The following FAM168A variants were observed in gnomAD, a reference collection of about 807,000 sequenced individuals.
FAM168A encodes family with sequence similarity 168 member A.
FAM168A carries 3 observed loss-of-function variants against 28.5 expected under a neutral mutation model. The ratio of observed to expected loss-of-function variants is 0.11; its 90% CI spans 0.05 to 0.27. The LOEUF (loss-of-function observed/expected upper bound fraction) is 0.27, where lower values mean the gene tolerates loss of function less well. Ranked by LOEUF, FAM168A falls within the 10% of genes least tolerant of loss-of-function variation. FAM168A has a pLI of 1.00. For missense variants in FAM168A, 222 were observed against 311.5 expected (o/e 0.71, Z 2.16); for synonymous variants, 122 against 124.2 (o/e 0.98, Z 0.12).
rs58430278 is a variant in FAM168A at position 73,442,955 on chromosome 11, GATATATATATATATATATATATATAT to G, written c.71-12211_71-12186del. Among the ~76,000 whole-genome samples, 22 of 40,234 alleles carry G rather than the reference GATATATATATATATATATATATATAT, an allele frequency of 5.5e-4. 3 individuals are homozygous for G. The South Asian group carries it at 5.9e-3, about 11-fold the overall frequency. 26.4% of individuals were successfully genotyped at this position (40,234 alleles called of 152,430 possible). On this transcript the variant is annotated intron_variant, in intron 2 of 7. Coordinates refer to ENST00000356467, the MANE Select transcript of FAM168A (RefSeq NM_015159.3). Reference sequence around the variant, plus strand: ...GGAATTTTCCTTTATATATACAAAGGATATATATATATATATATATATATATATATATATATATATATGCCAAGCCT... The same window carrying G: ...GGAATTTTCCTTTATATATACAAAGGATATATATATATATATGCCAAGCCT...
At chr11:73,480,612 T>C (rs1185906966) in intron 1 of FAM168A, among the ~76,000 whole-genome samples, 1 of 152,198 alleles carries the variant, frequency 6.6e-6, no homozygotes, top group South Asian at 2.1e-4. Flanking sequence ...GTCATTTTTC[T>C]TGGTAGAAGG....
At chr11:73,589,495 GAAAAAAAA>G (rs780232062) in intron 1 of FAM168A, among the ~76,000 whole-genome samples, 1 of 64,972 alleles carries the variant, frequency 1.5e-5, no homozygotes. Flanking sequence ...CTGATAAGCT[GAAAAAAAA>G]AAAAAAAGAA....
At chr11:73,481,960 ATG>A (rs1032915583) in intron 1 of FAM168A, among the ~76,000 whole-genome samples, 18 of 152,270 alleles carry the variant, frequency 1.2e-4, no homozygotes, top group Middle Eastern at 6.8e-3. Flanking sequence ...ACCTAGAGCC[ATG>A]TGAGGACACA....
At chr11:73,428,845 A>G (rs907942834) in intron 3 of FAM168A, among the ~76,000 whole-genome samples, 2 of 152,194 alleles carry the variant, frequency 1.3e-5, no homozygotes, top group Non-Finnish European at 2.9e-5. Flanking sequence ...AAGCTTTCCA[A>G]AGGCAATGAC....
chr11:73,529,300 T>C (rs1241236324), intron 1 of FAM168A, among the ~76,000 whole-genome samples: 2 of 152,234 alleles, frequency 1.3e-5, no homozygotes, highest in Non-Finnish European at 2.9e-5. Flanking sequence ...CCTGGGCTCA[T>C]GTCCTAGCTT....
At chr11:73,526,868 C>CA (rs61073226) in intron 1 of FAM168A, among the ~76,000 whole-genome samples, 7,832 of 51,676 alleles carry the variant, frequency 0.15, 984 homozygotes, top group East Asian at 0.3. Context: ...GACTCCATCT[C>CA]AAAAAAAAAA....
At chr11:73,589,270 A>G (rs999717753) in intron 1 of FAM168A, among the ~76,000 whole-genome samples, 1 of 152,208 alleles carries the variant, frequency 6.6e-6, no homozygotes, top group Non-Finnish European at 1.5e-5. Flanking sequence ...AAATTAAAAA[A>G]TAATAAAGAA....
chr11:73,508,946 G>A (rs1855167508), intron 1 of FAM168A, among the ~76,000 whole-genome samples: 1 of 152,112 alleles, frequency 6.6e-6, no homozygotes, highest in African/African-American at 2.4e-5. Context: ...CTTTATAAAG[G>A]GCAGTTCCCC....
chr11:73,499,820 T>C (rs1319218473), intron 1 of FAM168A, among the ~76,000 whole-genome samples: 1 of 150,828 alleles, frequency 6.6e-6, no homozygotes, highest in Admixed American at 6.6e-5. Context: ...CAGACAAAAA[T>C]AGAGAAAAAA....
chr11:73,462,655 C>T (rs1867667548), intron 2 of FAM168A, among the ~76,000 whole-genome samples: 1 of 152,140 alleles, frequency 6.6e-6, no homozygotes, highest in African/African-American at 2.4e-5. Context: ...GCAAGTGGTT[C>T]ACCTGAGGTC....
At chr11:73,494,308 C>T (rs1854824936) in intron 1 of FAM168A, among the ~76,000 whole-genome samples, 1 of 152,162 alleles carries the variant, frequency 6.6e-6, no homozygotes, top group African/African-American at 2.4e-5. Context: ...GGACCTCAGG[C>T]CCCTAGAGTC....
chr11:73,432,471 C>A (rs747080045), intron 2 of FAM168A, among the ~76,000 whole-genome samples: 1 of 152,004 alleles, frequency 6.6e-6, no homozygotes, highest in Non-Finnish European at 1.5e-5. Context: ...TTATAGCCAT[C>A]CTATAGTAAG....
chr11:73,452,329 T>C (rs1867445827), intron 2 of FAM168A: 1 of 152,546 alleles, frequency 6.6e-6, no homozygotes, highest in South Asian at 2.1e-4. Context: ...CAAGTTATCC[T>C]GTCAACCCAA....
At chr11:73,568,643 T>A (rs935665895) in intron 1 of FAM168A, among the ~76,000 whole-genome samples, 6 of 152,148 alleles carry the variant, frequency 3.9e-5, no homozygotes, top group Admixed American at 1.3e-4. Context: ...ACACTTGTAA[T>A]CCCAGCACCT....
chr11:73,433,333 TTGTC>T (rs1021780016), intron 2 of FAM168A, among the ~76,000 whole-genome samples: 3 of 151,762 alleles, frequency 2.0e-5, no homozygotes, highest in African/African-American at 7.3e-5. Context: ...ATTCTGTGGA[TTGTC>T]TTTTTACTTT....
Position 73,468,441 on chromosome 11 carries a change from C to A in FAM168A, c.34G>T (p.Ala12Ser), listed in dbSNP as rs1867769223. 1 of 1,614,060 alleles carries A rather than the reference C, an allele frequency of 6.2e-7. No individual in the cohort carries two copies. The highest frequency in any genetic ancestry group is 8.5e-7 in the Non-Finnish European group (1 of 1,179,976). The change falls in exon 2 of 8, where the codon GCT (alanine) becomes TCT (serine). Residue 12 changes from alanine (A) to serine (S), a missense_variant. By Grantham distance (99) the Ala-to-Ser change is moderately conservative (BLOSUM62 1). Transcript: ENST00000356467. ...NPVYSPVQPG[A>S]PYGNPKNMAY... ...ATGTTCTTAGGGTTGCCATAAGGAG[C>A]CCCAGGCTGCACGGGGCTGTAAACA...
chr11:73,545,027 A>AATATATTATATATATAATATATTTTAT, intron 1 of FAM168A, among the ~76,000 whole-genome samples: 1 of 77,448 alleles, frequency 1.3e-5, no homozygotes, highest in African/African-American at 1.2e-4. Context: ...TAGTATATAT[A>AATATATTATATATATAATATATTTTAT]ATATATATAT....
At position 73,555,808 on chromosome 11, in the gene FAM168A, C is replaced by A. The variant is rs915977256; in HGVS notation, c.-19+42115G>T. ...ATCATAAACTCAGCAAATCAGAGAACTAGTGCCTGGCAAGGCTTCCAAAGA... is the reference window on the plus strand; with the variant it reads ...ATCATAAACTCAGCAAATCAGAGAAATAGTGCCTGGCAAGGCTTCCAAAGA... On this transcript the variant is annotated intron_variant, in intron 1 of 7. Coordinates refer to ENST00000356467, the MANE Select transcript of FAM168A (RefSeq NM_015159.3). 2.0e-5 allele frequency among the ~76,000 whole-genome samples: 3 copies of A among 152,044 alleles called. No homozygotes were observed. In the East Asian group the frequency reaches 5.8e-4, roughly 29 times the overall value.
intron 1 of FAM168A, among the ~76,000 whole-genome samples, chr11:73,544,977 AAT>A (rs1282828309): frequency 1.2e-5 from 1 of 83,880 alleles, no homozygotes; most frequent in African/African-American, 7.8e-5. Flanking sequence ...TATATTATAT[AAT>A]ATATTTTATA....
Sources: allele counts gnomAD v4.1 joint callset (sites outside exome capture counted in the v4.1 genomes callset), GRCh38; gene constraint gnomAD v4.1.1; transcripts MANE v1.5; gene names NCBI Gene and HGNC (gene_info 2026-07-23, HGNC 2026-07-21).